The following RABL2B variants were observed in gnomAD, a reference collection of about 807,000 sequenced individuals.
RABL2B encodes rab-like protein 2B.
Under a neutral mutation model 26.7 loss-of-function variants are expected in RABL2B, and 17 were observed. That is an observed-to-expected ratio of 0.64 (90% CI 0.44 to 0.95). RABL2B has a LOEUF of 0.95. RABL2B is among the 40% of genes least tolerant of loss of function. RABL2B has a pLI of 0.00. For synonymous variants in RABL2B, 70 were observed against 103.9 expected, an observed-to-expected ratio of 0.67 and a Z score of 1.99; for missense variants, 170 against 277.2, an observed-to-expected ratio of 0.61 and a Z score of 2.75.
chr22:50,770,347 C>G (rs2083957552), intron 5 of RABL2B: 1 of 325,672 alleles, frequency 3.1e-6, no homozygotes, highest in African/African-American at 2.2e-5. Flanking sequence ...GAAATTCCGT[C>G]TCTACTAAAA....
chr22:50,772,324 C>T (rs1387792829), intron 5 of RABL2B: 1 of 985,222 alleles, frequency 1.0e-6, no homozygotes, highest in Non-Finnish European at 1.2e-6. Context: ...TCACCGCGCC[C>T]AGCCTGTTTC....
intron 4 of RABL2B, 129 bp downstream of exon 4, chr22:50,776,541 C>G: frequency 7.4e-7 from 1 of 1,357,006 alleles, no homozygotes; most frequent in Admixed American, 2.1e-5. Flanking sequence ...CTCTCTAGCA[C>G]CCCTTGTCCC....
At chr22:50,771,967 TTACTTTA>T (rs1395530497) in intron 5 of RABL2B, 1 of 152,154 alleles carries the variant, frequency 6.6e-6, no homozygotes, top group Non-Finnish European at 1.5e-5. Flanking sequence ...CATAATTGTA[TTACTTTA>T]TAATTTGTTT....
chr22:50,776,235 G>A (rs2084958842), intron 4 of RABL2B, among the ~76,000 whole-genome samples: 1 of 152,188 alleles, frequency 6.6e-6, no homozygotes, highest in African/African-American at 2.4e-5. Context: ...CAGGCTGTGT[G>A]CCCGGCCAAG....
In RABL2B at chr22:50,768,839, T is replaced by A; in HGVS notation, c.627A>T (p.Pro209=). 6.2e-7 allele frequency: 1 copy of A among 1,613,550 alleles called. No individual in the cohort carries two copies. Among genetic ancestry groups the A allele is most frequent in the Non-Finnish European group, 8.5e-7 (1 of 1,179,788 alleles). ...CGATGCTGCTGCTCTGTTCCTGGTC[T>A]GGCACGTCCTCCTCTTCCTGCTCCA... ...FSLEQEEEDV[P]DQEQSSSIET... Residue 209 remains proline, a synonymous_variant, in exon 9 of 9, where the codon CCA becomes CCT. Coordinates refer to ENST00000691320, the MANE Select transcript of RABL2B (RefSeq NM_001130919.3).
intron 7 of RABL2B, 117 bp downstream of exon 7, chr22:50,769,338 A>G: frequency 2.5e-6 from 4 of 1,608,386 alleles, no homozygotes; most frequent in East Asian, 4.5e-5. Context: ...CCTGCCACCC[A>G]TGCCCATGCA....
At position 50,782,140 on chromosome 22, in the gene RABL2B, C is replaced by G. The variant is rs199871809; in HGVS notation, c.107+48G>C. The G allele has an allele frequency of 1.1e-4, 110 of 993,188 alleles. No individual in the cohort carries two copies. The East Asian group carries it at 2.8e-3, about 25-fold the overall frequency. 61.5% of individuals were successfully genotyped at this position (993,188 alleles called of 1,614,324 possible). A position where few individuals can be genotyped will look rare whatever the true frequency, so the allele number is the denominator to read the frequency against. On this transcript the variant is annotated intron_variant, in intron 2 of 8. Transcript: ENST00000691320. ...GCCTCTGGAGGACTTTTTAAATGAC[C>G]TGGACCCTCTCTGGGGCTGGTATTT... is the stretch of plus-strand genomic sequence containing the variant.
chr22:50,773,230 C>T (rs1365955621), intron 5 of RABL2B: 2 of 1,279,682 alleles, frequency 1.6e-6, no homozygotes, highest in African/African-American at 3.1e-5. Context: ...ACACTGCCCC[C>T]ATTTTCCTTG....
At chr22:50,775,169 C>A (rs1488097607) in intron 5 of RABL2B, among the ~76,000 whole-genome samples, 2 of 152,310 alleles carry the variant, frequency 1.3e-5, no homozygotes, top group Middle Eastern at 3.4e-3. Context: ...AGGGAATTCA[C>A]GGGTAGGAAC....
chr22:50,770,235 GC>G, intron 5 of RABL2B: 1 of 556,160 alleles, frequency 1.8e-6, no homozygotes, highest in Non-Finnish European at 3.0e-6. Flanking sequence ...CTTATTCTTG[GC>G]CCAGTGCAGT....
At chr22:50,769,427 T>G (rs1555916422) in intron 7 of RABL2B, 28 bp downstream of exon 7, 3 of 1,610,638 alleles carry the variant, frequency 1.9e-6, no homozygotes, top group Non-Finnish European at 2.5e-6. Context: ...GCCCTGACCT[T>G]GCTAGCTACC....
rs1555923182 is a variant in RABL2B at position 50,775,798 on chromosome 22, A to G, written c.271T>C (p.Tyr91His). Residue 91 changes from tyrosine (Y) to histidine (H), a missense_variant, in exon 5 of 9, where the codon TAC becomes CAC. Transcript: ENST00000691320. ...ERFQSMHASY[Y>H]HKAHACIMVF... ...ATGATGCAGGCGTGGGCCTTGTGGT[A>G]GTAGGAGGCATGCATGCTCTGGAAC... 2.5e-6 allele frequency: 4 copies of G among 1,614,160 alleles called. No individual in the cohort carries two copies. In the Admixed American group the frequency reaches 6.7e-5, roughly 27 times the overall value.
At chr22:50,774,191 G>A (rs1469309343) in intron 5 of RABL2B, among the ~76,000 whole-genome samples, 10 of 152,264 alleles carry the variant, frequency 6.6e-5, no homozygotes, top group Admixed American at 1.3e-4. Context: ...CACCGCGCCC[G>A]GCCCGTGGCA....
intron 4 of RABL2B, 138 bp downstream of exon 4, chr22:50,776,532 T>A (rs2147206406): frequency 7.7e-7 from 1 of 1,293,600 alleles, no homozygotes; most frequent in African/African-American, 1.5e-5. Flanking sequence ...CTCTGGGTTC[T>A]CTCTAGCACC....
chr22:50,782,411 T>G lies in RABL2B; in HGVS notation c.-53-64A>C, dbSNP rs1603451806. 2.0e-6 allele frequency: 3 copies of G among 1,510,896 alleles called. No individual in the cohort carries two copies. The East Asian group carries it at 6.8e-5, about 34-fold the overall frequency. 93.6% of individuals were successfully genotyped at this position (1,510,896 alleles called of 1,614,324 possible). ...AAGTCCCCTCAACCAAATCTCCAGC[T>G]GTACCTCCCTCCAGACTGCTTCCCT... On this transcript the variant is annotated intron_variant, in intron 1 of 8. Coordinates refer to ENST00000691320, the MANE Select transcript of RABL2B (RefSeq NM_001130919.3).
At chr22:50,780,353 G>A (rs1341007628) in intron 2 of RABL2B, among the ~76,000 whole-genome samples, 1 of 151,238 alleles carries the variant, frequency 6.6e-6, no homozygotes, top group East Asian at 1.9e-4. Flanking sequence ...AAATGAGGCC[G>A]TGTACAACTG....
intron 5 of RABL2B, chr22:50,771,612 T>C (rs2084195419): frequency 6.6e-6 from 1 of 151,488 alleles, no homozygotes; most frequent in African/African-American, 2.4e-5. Context: ...TTCTTTGTTC[T>C]TTCTGCTTTT....
intron 2 of RABL2B, among the ~76,000 whole-genome samples, chr22:50,781,291 C>A (rs2085808481): frequency 6.6e-6 from 1 of 150,460 alleles, no homozygotes; most frequent in African/African-American, 2.5e-5. Context: ...TTGCAGTGAG[C>A]CGAGATCACG....
chr22:50,773,610 G>A (rs1354704461), intron 5 of RABL2B, among the ~76,000 whole-genome samples: 3 of 151,504 alleles, frequency 2.0e-5, no homozygotes, highest in Admixed American at 2.0e-4. Context: ...TGGCATTGAA[G>A]CAGGGCCTGA....
Sources: allele counts gnomAD v4.1 joint callset (sites outside exome capture counted in the v4.1 genomes callset), GRCh38; gene constraint gnomAD v4.1.1; transcripts MANE v1.5; gene names NCBI Gene and HGNC (gene_info 2026-07-23, HGNC 2026-07-21).